ME1: variants seen among roughly 807,000 people sequenced by gnomAD.
ME1 encodes the protein NADP-dependent malic enzyme.
Under a neutral mutation model 66.4 loss-of-function variants are expected in ME1, and 74 were observed. That is an observed-to-expected ratio of 1.11 (90% confidence interval 0.92 to 1.35). The LOEUF (loss-of-function observed/expected upper bound fraction) is 1.35. Among genes scored for constraint, ME1 ranks in the 40% most tolerant of loss-of-function variants. ME1 has a pLI of 0.00. For missense variants in ME1, 750 were observed against 694.1 expected (o/e 1.08, Z -0.90); for synonymous variants, 251 against 235.6 (o/e 1.07, Z -0.60).
chr6:83,293,855 T>G (rs966358526), intron 6 of ME1, among the ~76,000 whole-genome samples: 15 of 152,168 alleles, frequency 9.9e-5, no homozygotes, highest in Admixed American at 9.2e-4. Context: ...AAAACACCAC[T>G]GAAGCGAGCT....
At position 83,413,462 on chromosome 6, in the gene ME1, ATAG is replaced by A. The variant is rs766045187; in HGVS notation, c.79-5564_79-5562del. Among the ~76,000 whole-genome samples, 19 of 152,242 alleles carry A rather than the reference ATAG, an allele frequency of 1.2e-4. No homozygotes were observed. In the South Asian group the frequency reaches 2.9e-3, roughly 23 times the overall value. ...TTATTAATGTGACCTTGCAAATAAT[ATAG>A]TAGATCTATCTTAAAATTATTTCTT... On this transcript the variant is annotated intron_variant, in intron 1 of 13. Transcript: ENST00000369705.
At chr6:83,301,300 CCTT>C (rs1444834727) in intron 6 of ME1, among the ~76,000 whole-genome samples, 26 of 148,636 alleles carry the variant, frequency 1.7e-4, no homozygotes, top group Non-Finnish European at 3.4e-4. Context: ...TCCTTTCTTT[CCTT>C]CTTTCTTTCT....
chr6:83,327,675 T>A (rs113324047), intron 5 of ME1, among the ~76,000 whole-genome samples: 8 of 152,210 alleles, frequency 5.3e-5, no homozygotes, highest in African/African-American at 1.9e-4. Context: ...GCCTCGGTCC[T>A]GTGGTCCTGT....
chr6:83,259,705 G>T (rs7745864), intron 6 of ME1, among the ~76,000 whole-genome samples: 16,704 of 152,162 alleles, frequency 0.11, 1,013 homozygotes, highest in African/African-American at 0.15. Flanking sequence ...AGATGGATGT[G>T]TTAACTTCTT....
At chr6:83,266,897 T>C (rs1448753364) in intron 6 of ME1, among the ~76,000 whole-genome samples, 2 of 152,228 alleles carry the variant, frequency 1.3e-5, no homozygotes, top group Non-Finnish European at 2.9e-5. Context: ...GTAGTTCTAA[T>C]AATTGTTTTG....
At chr6:83,405,829 C>G (rs1222608622) in intron 2 of ME1, among the ~76,000 whole-genome samples, 2 of 149,440 alleles carry the variant, frequency 1.3e-5, no homozygotes, top group Admixed American at 6.7e-5. Context: ...TCACGCCATT[C>G]TCCTGCCTCA....
chr6:83,350,116 T>C (rs1398173457), intron 4 of ME1, among the ~76,000 whole-genome samples: 1 of 152,198 alleles, frequency 6.6e-6, no homozygotes, highest in Non-Finnish European at 1.5e-5. Context: ...TCATGGGTAC[T>C]TTCAAGTATA....
chr6:83,367,785 T>C (rs1769126927), intron 3 of ME1, among the ~76,000 whole-genome samples: 1 of 152,194 alleles, frequency 6.6e-6, no homozygotes, highest in South Asian at 2.1e-4. Flanking sequence ...ACTTTCTCCA[T>C]ATCAGCAATA....
chr6:83,278,342 C>A (rs1260266044), intron 6 of ME1, among the ~76,000 whole-genome samples: 1 of 152,210 alleles, frequency 6.6e-6, no homozygotes, highest in Non-Finnish European at 1.5e-5. Context: ...TAAGTTTTAT[C>A]TCCAGGAGCT....
At position 83,367,729 on chromosome 6, in the gene ME1, AAAGGG is replaced by A. The variant is rs1210799971; in HGVS notation, c.363-15595_363-15591del. 2.6e-5 allele frequency among the ~76,000 whole-genome samples: 4 copies of A among 152,368 alleles called. No homozygotes were observed. The East Asian group carries it at 7.7e-4, about 29-fold the overall frequency. ...CTTGCTCTGGATTAGGCTTTGGCTT[AAAGGG>A]AATGTTGTGGCTGGTTTGATCTTCT... On this transcript the variant is annotated intron_variant, in intron 3 of 13. Coordinates refer to ENST00000369705, the MANE Select transcript of ME1 (RefSeq NM_002395.6).
At chr6:83,393,302 T>C (rs1292853451) in intron 3 of ME1, 8 of 1,262,090 alleles carry the variant, frequency 6.3e-6, no homozygotes, top group Admixed American at 3.6e-5. Flanking sequence ...GGGGCTGGCA[T>C]TGCCCTCAAC....
intron 12 of ME1, 91 bp downstream of exon 12, chr6:83,223,669 T>G: frequency 1.5e-5 from 18 of 1,226,626 alleles, no homozygotes; most frequent in Non-Finnish European, 1.8e-5. Flanking sequence ...GAGAGTAAGC[T>G]GAGATGCTAG....
At chr6:83,406,206 T>G (rs892861164) in intron 2 of ME1, among the ~76,000 whole-genome samples, 4 of 152,324 alleles carry the variant, frequency 2.6e-5, no homozygotes, top group Non-Finnish European at 5.9e-5. Flanking sequence ...ATAAGTTTTT[T>G]GATGTGCTGC....
chr6:83,233,379 T>C (rs561434723), intron 9 of ME1, among the ~76,000 whole-genome samples: 42 of 152,116 alleles, frequency 2.8e-4, no homozygotes, highest in Non-Finnish European at 4.9e-4. Context: ...TATTTGAGTA[T>C]GATCCATAAC....
chr6:83,263,907 A>T (rs1341185720), intron 6 of ME1, among the ~76,000 whole-genome samples: 1 of 152,174 alleles, frequency 6.6e-6, no homozygotes, highest in East Asian at 1.9e-4. Context: ...AGATCTACCT[A>T]AGCTCATAAA....
chr6:83,235,425 G>C (rs1562454714), intron 9 of ME1, among the ~76,000 whole-genome samples: 1 of 151,368 alleles, frequency 6.6e-6, no homozygotes, highest in South Asian at 2.1e-4. Flanking sequence ...CATGATGACA[G>C]TGTACAAAAT....
At chr6:83,359,069 T>C (rs1768955244) in intron 3 of ME1, among the ~76,000 whole-genome samples, 1 of 151,004 alleles carries the variant, frequency 6.6e-6, no homozygotes, top group South Asian at 2.1e-4. Context: ...GAGGGGCACA[T>C]CACTTCCCAG....
At chr6:83,269,248 GT>G (rs3839447) in intron 6 of ME1, among the ~76,000 whole-genome samples, 4,141 of 151,412 alleles carry the variant, frequency 0.027, 140 homozygotes, top group East Asian at 0.13. Flanking sequence ...ATTTATGTTT[GT>G]TTTTTTTCTA....
intron 6 of ME1, among the ~76,000 whole-genome samples, chr6:83,284,160 A>C (rs1767355888): frequency 6.6e-6 from 1 of 152,206 alleles, no homozygotes; most frequent in Admixed American, 6.5e-5. Context: ...TCCTGGAAAC[A>C]CACAACTTCC....
Sources: gnomAD v4.1 joint callset for allele counts (sites outside exome capture counted in the v4.1 genomes callset) on GRCh38, gnomAD v4.1.1 for gene constraint, MANE v1.5 for transcripts, NCBI Gene and HGNC (gene_info 2026-07-23, HGNC 2026-07-21) for gene names.